Variants in SENP5 observed in about 807,000 individuals in gnomAD.
SENP5 encodes the protein SUMO specific peptidase 5.
A neutral mutation model predicts 74.2 loss-of-function variants in SENP5; 21 were observed. The observed-to-expected ratio is 0.28, with a 90% confidence interval of 0.20 to 0.41. The LOEUF (loss-of-function observed/expected upper bound fraction) is 0.41, where lower values mean the gene tolerates loss of function less well. SENP5 is among the 10% of genes least tolerant of loss of function. The probability of loss-of-function intolerance (pLI) is 1.00; values close to 1 mark genes in which losing one functional copy is unlikely to be tolerated. For synonymous variants in SENP5, 311 were observed against 312.7 expected (o/e 0.99, Z 0.06); for missense variants, 717 against 889.1 (o/e 0.81, Z 2.46).
chr3:196,903,793 C>CTA (rs1402551083), intron 6 of SENP5, among the ~76,000 whole-genome samples, 183 bp downstream of exon 6: 1 of 152,190 alleles, frequency 6.6e-6, no homozygotes, highest in Non-Finnish European at 1.5e-5. Context: ...GCCTACTGGT[C>CTA]CCAATTATAG....
chr3:196,884,483 G>C (rs1226353502), intron 1 of SENP5, among the ~76,000 whole-genome samples: 1 of 152,148 alleles, frequency 6.6e-6, no homozygotes, highest in Non-Finnish European at 1.5e-5. Flanking sequence ...GTCACTGCAG[G>C]TAGAGTGGAA....
intron 1 of SENP5, among the ~76,000 whole-genome samples, chr3:196,874,707 C>T (rs1235943866): frequency 1.3e-5 from 2 of 152,064 alleles, no homozygotes; most frequent in Non-Finnish European, 2.9e-5. Context: ...TGGAGAAACC[C>T]GGTCTCTACT....
At chr3:196,927,375 G>C (rs894684043) in intron 7 of SENP5, among the ~76,000 whole-genome samples, 1 of 152,174 alleles carries the variant, frequency 6.6e-6, no homozygotes. Context: ...CTCATAAAAC[G>C]TTCTGATTAC....
At chr3:196,919,103 C>T (rs1157721956) in intron 6 of SENP5, among the ~76,000 whole-genome samples, 1 of 152,024 alleles carries the variant, frequency 6.6e-6, no homozygotes, top group African/African-American at 2.4e-5. Context: ...CAAACAAAAA[C>T]GGAAAAGAGC....
Position 196,931,562 on chromosome 3 carries a change from AG to A in SENP5, c.*641del, listed in dbSNP as rs1319150478. 1.3e-5 allele frequency: 3 copies of A among 238,062 alleles called. No individual in the cohort carries two copies. Among genetic ancestry groups the A allele is most frequent in the East Asian group, 3.2e-4 (2 of 6,340 alleles). The allele number at this position is 238,062 out of a possible 1,614,324, so 14.7% of individuals were successfully genotyped here. A position where few individuals can be genotyped will look rare whatever the true frequency, so the allele number is the denominator to read the frequency against. ...TTGTAAGCACAGTGGCTGCTTTGGG[AG>A]GAGTAAGGTGTGAGAAAAAGCAACC... On this transcript the variant is annotated 3_prime_UTR_variant, in exon 10 of 10. Transcript: ENST00000323460.
chr3:196,919,123 A>G (rs1224826316), intron 6 of SENP5, among the ~76,000 whole-genome samples: 1 of 152,228 alleles, frequency 6.6e-6, no homozygotes. Flanking sequence ...CCAGAGAGAG[A>G]GAGAGACTCA....
chr3:196,916,108 T>G (rs981726491), intron 6 of SENP5, among the ~76,000 whole-genome samples: 4 of 152,126 alleles, frequency 2.6e-5, no homozygotes, highest in Non-Finnish European at 5.9e-5. Flanking sequence ...GCAGATCACC[T>G]GAGGTCAGGA....
At chr3:196,877,403 T>C (rs1713524393) in intron 1 of SENP5, among the ~76,000 whole-genome samples, 1 of 152,174 alleles carries the variant, frequency 6.6e-6, no homozygotes. Flanking sequence ...CAGGCTGGTC[T>C]GGAACTCCTG....
chr3:196,891,337 G>T (rs1714191268), intron 2 of SENP5, among the ~76,000 whole-genome samples: 1 of 151,902 alleles, frequency 6.6e-6, no homozygotes, highest in Non-Finnish European at 1.5e-5. Flanking sequence ...TTCTTTGTGG[G>T]GTAATGGAGG....
chr3:196,920,338 T>C (rs530682999), intron 6 of SENP5, among the ~76,000 whole-genome samples: 2 of 152,244 alleles, frequency 1.3e-5, no homozygotes, highest in Non-Finnish European at 2.9e-5. Flanking sequence ...TTAAAAAATA[T>C]TATCTTCTAG....
At position 196,932,028 on chromosome 3, in the gene SENP5, G is replaced by A. The variant is rs556116431; in HGVS notation, c.*1105G>A. 8 of 379,576 alleles carry A rather than the reference G, an allele frequency of 2.1e-5. No homozygotes were observed. The highest frequency in any genetic ancestry group is 3.8e-5 in the South Asian group (2 of 52,224). 23.5% of individuals were successfully genotyped at this position (379,576 alleles called of 1,614,324 possible). ...GTGACCTCAGTAACATGCAGGGTAC[G>A]TCTGGCTTCTGCATGGCCAGTGCTG... On this transcript the variant is annotated 3_prime_UTR_variant, in exon 10 of 10. Transcript: ENST00000323460.
rs561037141 is a variant in SENP5 at position 196,889,086 on chromosome 3, A to C, written c.1513+2392A>C. On this transcript the variant is annotated intron_variant, in intron 2 of 9. Coordinates refer to ENST00000323460, the MANE Select transcript of SENP5 (RefSeq NM_152699.5). Reference sequence around the variant, plus strand: ...AGCTGAGATCGTGCCACTGCACTCCAGCCTGGGCGACAGAGCAAGACTCTG... The same window carrying C: ...AGCTGAGATCGTGCCACTGCACTCCCGCCTGGGCGACAGAGCAAGACTCTG... Among the ~76,000 whole-genome samples the C allele has an allele frequency of 5.3e-5, 8 of 152,238 alleles. No individual in the cohort carries two copies. In the East Asian group the frequency reaches 1.4e-3, roughly 26 times the overall value.
chr3:196,889,881 G>T (rs1473016935), intron 2 of SENP5, among the ~76,000 whole-genome samples: 1 of 152,176 alleles, frequency 6.6e-6, no homozygotes, highest in Non-Finnish European at 1.5e-5. Flanking sequence ...GAGGAAAGGG[G>T]ACACCCATGG....
At chr3:196,907,411 G>T (rs1054618309) in intron 6 of SENP5, among the ~76,000 whole-genome samples, 1 of 146,262 alleles carries the variant, frequency 6.8e-6, no homozygotes, top group Non-Finnish European at 1.5e-5. Context: ...AGCCAAGATC[G>T]CACCACTGCA....
chr3:196,932,737 T>C lies in SENP5; in HGVS notation c.*1814T>C, dbSNP rs1416276305. 1 of 137,396 alleles carries C rather than the reference T, an allele frequency of 7.3e-6. No homozygotes were observed. Among genetic ancestry groups the C allele is most frequent in the Non-Finnish European group, 1.6e-5 (1 of 62,410 alleles). 8.5% of individuals were successfully genotyped at this position (137,396 alleles called of 1,614,324 possible). On this transcript the variant is annotated 3_prime_UTR_variant, in exon 10 of 10. Coordinates refer to ENST00000323460, the MANE Select transcript of SENP5 (RefSeq NM_152699.5). ...CAGAAATTTGCCTCTGATTTTTTTT[T>C]TTTTTTTTTTTTTTTTTTTGTGGGG...
intron 8 of SENP5, among the ~76,000 whole-genome samples, chr3:196,928,895 A>G (rs1715914772): frequency 6.6e-6 from 1 of 152,192 alleles, no homozygotes; most frequent in South Asian, 2.1e-4. Context: ...AGTTCTTTTA[A>G]AAACATACTG....
At chr3:196,930,476 C>A (rs1032031274) in intron 9 of SENP5, among the ~76,000 whole-genome samples, 1 of 152,170 alleles carries the variant, frequency 6.6e-6, no homozygotes, top group African/African-American at 2.4e-5. Context: ...GAAAATGCTG[C>A]CTTAGATCGG....
chr3:196,896,431 T>G (rs1714443854), intron 2 of SENP5, among the ~76,000 whole-genome samples: 1 of 150,632 alleles, frequency 6.6e-6, no homozygotes. Context: ...TCAAAGCTTC[T>G]AATGTCTCCA....
intron 6 of SENP5, among the ~76,000 whole-genome samples, chr3:196,913,647 CTTTT>C (rs1229412806): frequency 8.2e-5 from 8 of 98,086 alleles, no homozygotes; most frequent in East Asian, 2.7e-4. Flanking sequence ...ATAAGAAAGG[CTTTT>C]TTTTTTTTTT....
Sources: gnomAD v4.1 joint callset for allele counts (sites outside exome capture counted in the v4.1 genomes callset) on GRCh38, gnomAD v4.1.1 for gene constraint, MANE v1.5 for transcripts, NCBI Gene and HGNC (gene_info 2026-07-23, HGNC 2026-07-21) for gene names.